The following TUBB6 variants were observed in gnomAD, a reference collection of about 807,000 sequenced individuals.
The protein encoded by TUBB6 is tubulin beta 6 class V, also known as tubulin beta-6 chain.
In TUBB6, 18 loss-of-function variants were observed where a neutral mutation model predicts 32.3. The observed-to-expected ratio is 0.56, with a 90% CI of 0.39 to 0.83. The LOEUF (loss-of-function observed/expected upper bound fraction) is 0.83, where lower values mean the gene tolerates loss of function less well. Among genes scored for constraint, TUBB6 ranks in the 40% least tolerant of loss-of-function variants. The pLI, the probability that TUBB6 is intolerant of heterozygous loss-of-function variation, is 0.00. For missense variants in TUBB6, 480 were observed against 632.0 expected (o/e 0.76, Z 2.58); for synonymous variants, 280 against 265.8 (o/e 1.05, Z -0.52).
chr18:12,329,793 G>T, downstream of TUBB6: 1 of 1,604,490 alleles, frequency 6.2e-7, no homozygotes, highest in South Asian at 1.1e-5. Context: ...CCTGAAATAT[G>T]AACAATTTTC....
At position 12,326,248 on chromosome 18, in the gene TUBB6, C is replaced by T. The variant is rs576752287; in HGVS notation, c.*118C>T. 5.1e-5 allele frequency: 72 copies of T among 1,400,372 alleles called. No individual in the cohort carries two copies. The Middle Eastern group carries it at 7.1e-4, about 14-fold the overall frequency. 86.7% of individuals were successfully genotyped at this position (1,400,372 alleles called of 1,614,324 possible). On this transcript the variant is annotated 3_prime_UTR_variant, in exon 4 of 4. Transcript: ENST00000317702. Reference sequence around the variant, plus strand: ...TGGTTTAATTGTGTTGGTGTCGGCCCCTCACAAATGCAGCCAAGTCATGTA... The same window carrying T: ...TGGTTTAATTGTGTTGGTGTCGGCCTCTCACAAATGCAGCCAAGTCATGTA...
intron 3 of TUBB6, among the ~76,000 whole-genome samples, chr18:12,323,442 T>C (rs1338999744): frequency 6.6e-6 from 1 of 152,178 alleles, no homozygotes; most frequent in Non-Finnish European, 1.5e-5. Flanking sequence ...GGATTTTAAA[T>C]TTAAGAGCCA....
rs751476032 is a variant in TUBB6 at position 12,325,852 on chromosome 18, G to A, written c.1063G>A (p.Asp355Asn). Reference sequence around the variant, plus strand: ...CAACAACGTGAAGGTGGCCGTGTGCGACATCCCGCCCCGCGGCCTGAAGAT... The same window carrying A: ...CAACAACGTGAAGGTGGCCGTGTGCAACATCCCGCCCCGCGGCCTGAAGAT... ...IPNNVKVAVC[D>N]IPPRGLKMAS... Residue 355 changes from aspartate to asparagine, a missense_variant, in exon 4 of 4, where the codon GAC (aspartate) becomes AAC (asparagine). Physicochemically the swap from Asp to Asn is conservative, Grantham distance 23. Coordinates refer to ENST00000317702, the MANE Select transcript of TUBB6 (RefSeq NM_032525.3). 6 of 1,614,080 alleles carry A rather than the reference G, an allele frequency of 3.7e-6. No homozygotes were observed. In the South Asian group the frequency reaches 4.4e-5, roughly 12 times the overall value.
chr18:12,325,812 CGTGGA>C lies in TUBB6; in HGVS notation c.1029_1033del (p.Glu343AspfsTer57), dbSNP rs1907281391. Reference sequence around the variant, plus strand: ...TCCAGAGTAAGAACAGCAGCTACTTCGTGGAGTGGATTCCCAACAACGTGAAGGTG... The same window carrying C: ...TCCAGAGTAAGAACAGCAGCTACTTCGTGGATTCCCAACAACGTGAAGGTG... On this transcript the variant is annotated frameshift_variant, in exon 4 of 4. Transcript: ENST00000317702. LOFTEE classifies it high-confidence loss of function. 3 of 1,614,242 alleles carry C rather than the reference CGTGGA, an allele frequency of 1.9e-6. No homozygotes were observed. The highest frequency in any genetic ancestry group is 1.7e-6 in the Non-Finnish European group (2 of 1,180,048).
intron 2 of TUBB6, 21 bp downstream of exon 2, chr18:12,308,816 G>C (rs372046550): frequency 2.0e-6 from 3 of 1,504,752 alleles, no homozygotes; most frequent in African/African-American, 1.4e-5. Flanking sequence ...AGGCCGCCGC[G>C]CCCTGCCCGG....
Position 12,325,177 on chromosome 18 carries a change from C to G in TUBB6, c.388C>G (p.Leu130Val). 6.2e-7 allele frequency: 1 copy of G among 1,614,000 alleles called. No homozygotes were observed. Among genetic ancestry groups the G allele is most frequent in the African/African-American group, 1.3e-5 (1 of 75,064 alleles). ...GAAGGAGTGCGAGCACTGCGACTGC[C>G]TGCAGGGCTTCCAGCTCACGCACTC... The part of the protein sequence containing the change: ...VRKECEHCDC[L>V]QGFQLTHSLG... The change falls in exon 4 of 4, where the codon CTG becomes GTG. Residue 130 changes from leucine to valine, a missense_variant. Physicochemically the swap from Leu to Val is conservative, Grantham distance 32 (BLOSUM62 1). Transcript: ENST00000317702.
In TUBB6 at chr18:12,326,581, A is replaced by T. The variant is rs1485395222; in HGVS notation, c.*451A>T. On this transcript the variant is annotated 3_prime_UTR_variant, in exon 4 of 4. Transcript: ENST00000317702. ...AACGTGTGTCTTCATCTCTCTAGCC[A>T]TGTGCATAAATGACGTAAGTTACTT... 1 of 169,744 alleles carries T rather than the reference A, an allele frequency of 5.9e-6. No homozygotes were observed. Among genetic ancestry groups the T allele is most frequent in the African/African-American group, 2.4e-5 (1 of 41,710 alleles). The allele number at this position is 169,744 out of a possible 1,614,324, so 10.5% of individuals were successfully genotyped here. A position where few individuals can be genotyped will look rare whatever the true frequency, so the allele number is the denominator to read the frequency against.
In TUBB6 at chr18:12,326,293, G is replaced by C; in HGVS notation, c.*163G>C. The stretch of plus-strand genomic sequence containing the variant: ...CATGTAATTAGTCATCTGGAACAAA[G>C]ACTAAAAACAGCAGAGAATTGCGGG... On this transcript the variant is annotated 3_prime_UTR_variant, in exon 4 of 4. Transcript: ENST00000317702. The C allele has an allele frequency of 9.1e-7, 1 of 1,094,926 alleles. No homozygotes were observed. Among genetic ancestry groups the C allele is most frequent in the Non-Finnish European group, 1.3e-6 (1 of 792,144 alleles). 67.8% of individuals were successfully genotyped at this position (1,094,926 alleles called of 1,614,324 possible).
chr18:12,324,925 TG>T, intron 3 of TUBB6, 141 bp from the exon 4 acceptor site: 1 of 1,491,510 alleles, frequency 6.7e-7, no homozygotes, highest in South Asian at 1.4e-5. Context: ...GCTGCACCGT[TG>T]GTGGGTGCCT....
In TUBB6 at chr18:12,326,261, G is replaced by A. The variant is rs1306442863; in HGVS notation, c.*131G>A. 7.5e-7 allele frequency: 1 copy of A among 1,328,558 alleles called. No individual in the cohort carries two copies. The highest frequency in any genetic ancestry group is 2.5e-5 in the East Asian group (1 of 39,508). 82.3% of individuals were successfully genotyped at this position (1,328,558 alleles called of 1,614,324 possible). ...TTGGTGTCGGCCCCTCACAAATGCA[G>A]CCAAGTCATGTAATTAGTCATCTGG... On this transcript the variant is annotated 3_prime_UTR_variant, in exon 4 of 4. Coordinates refer to ENST00000317702, the MANE Select transcript of TUBB6 (RefSeq NM_032525.3).
chr18:12,321,875 TG>T (rs993835763), intron 3 of TUBB6, among the ~76,000 whole-genome samples: 3 of 152,182 alleles, frequency 2.0e-5, no homozygotes, highest in African/African-American at 4.8e-5. Context: ...TGCCTTAAAG[TG>T]AAAGAGTGAG....
Position 12,326,354 on chromosome 18 carries a change from TCTA to T in TUBB6, c.*228_*230del. 1 of 613,810 alleles carries T rather than the reference TCTA, an allele frequency of 1.6e-6. No homozygotes were observed. Among genetic ancestry groups the T allele is most frequent in the Non-Finnish European group, 2.7e-6 (1 of 374,540 alleles). 38.0% of individuals were successfully genotyped at this position (613,810 alleles called of 1,614,324 possible). ...TCAGAAGATCACACCATGGAGACTT[TCTA>T]CTAGAGGACTTGAAAGAGAACTGAG... On this transcript the variant is annotated 3_prime_UTR_variant, in exon 4 of 4. Coordinates refer to ENST00000317702, the MANE Select transcript of TUBB6 (RefSeq NM_032525.3).
chr18:12,308,566 G>A, intron 1 of TUBB6, 121 bp from the exon 2 acceptor site: 5 of 811,746 alleles, frequency 6.2e-6, no homozygotes, highest in Non-Finnish European at 9.7e-6. Context: ...AACTGGGAGC[G>A]GCTGCCGGCG....
chr18:12,308,130 G>T (rs1369662663), upstream of TUBB6: 1 of 242,142 alleles, frequency 4.1e-6, no homozygotes, highest in East Asian at 1.8e-4. Flanking sequence ...CTGCAGGCCG[G>T]GCCGCGGCGT....
At chr18:12,308,505 G>A (rs8087496) in intron 1 of TUBB6, 156 bp downstream of exon 1, 696,757 of 700,592 alleles carry the variant, frequency 0.99, 346,569 homozygotes, top group East Asian at 1. Context: ...GGGAGCGCCC[G>A]GGGCGTGGCC....
intron 3 of TUBB6, among the ~76,000 whole-genome samples, chr18:12,319,627 AT>A (rs1263682212): frequency 3.3e-5 from 5 of 151,964 alleles, no homozygotes; most frequent in African/African-American, 1.2e-4. Flanking sequence ...TCATTTAGTA[AT>A]TTCCCACTTA....
chr18:12,314,902 A>G (rs983865909), intron 3 of TUBB6, among the ~76,000 whole-genome samples: 5 of 152,200 alleles, frequency 3.3e-5, no homozygotes, highest in African/African-American at 1.2e-4. Context: ...AGCTCTCCCC[A>G]CCATCCTGAG....
chr18:12,320,279 A>G (rs1468450697), intron 3 of TUBB6, among the ~76,000 whole-genome samples: 1 of 138,366 alleles, frequency 7.2e-6, no homozygotes, highest in Non-Finnish European at 1.6e-5. Context: ...TTCACTTATC[A>G]TAAAATAAAT....
downstream of TUBB6, among the ~76,000 whole-genome samples, chr18:12,327,086 T>C (rs954202486): frequency 6.6e-6 from 1 of 152,346 alleles, no homozygotes; most frequent in East Asian, 1.9e-4. Flanking sequence ...GACCTCACTG[T>C]TGACAATATT....
Sources: gnomAD v4.1 joint callset for allele counts (sites outside exome capture counted in the v4.1 genomes callset) on GRCh38, gnomAD v4.1.1 for gene constraint, MANE v1.5 for transcripts, NCBI Gene and HGNC (gene_info 2026-07-23, HGNC 2026-07-21) for gene names.